CDH13: variants seen among roughly 807,000 people sequenced by gnomAD.
CDH13 encodes cadherin 13.
CDH13 carries 24 observed loss-of-function variants against 63.8 expected under a neutral mutation model. That is an observed-to-expected ratio of 0.38 (90% confidence interval 0.27 to 0.53). CDH13 has a LOEUF of 0.53. Among genes scored for constraint, CDH13 ranks in the 20% least tolerant of loss-of-function variants. CDH13 has a pLI of 0.85. For missense variants in CDH13, 1,049 were observed against 903.1 expected (o/e 1.16, Z -2.07); for synonymous variants, 503 against 355.3 (o/e 1.42, Z -4.67).
intron 6 of CDH13, among the ~76,000 whole-genome samples, chr16:83,479,524 G>A (rs537753245): frequency 1.5e-4 from 23 of 152,110 alleles, no homozygotes; most frequent in Non-Finnish European, 3.4e-4. Flanking sequence ...GGGCGTAGTG[G>A]CAGACACCTG....
At chr16:83,202,091 C>T (rs2039049260) in intron 4 of CDH13, among the ~76,000 whole-genome samples, 1 of 152,098 alleles carries the variant, frequency 6.6e-6, no homozygotes, top group South Asian at 2.1e-4. Context: ...CCCATAGTGT[C>T]CCCTGAAAAT....
intron 6 of CDH13, among the ~76,000 whole-genome samples, chr16:83,442,045 C>A (rs993882956): frequency 6.6e-6 from 1 of 152,038 alleles, no homozygotes; most frequent in East Asian, 1.9e-4. Context: ...CTTTTTTGTC[C>A]ACAAGCAAAA....
At chr16:82,708,664 G>C (rs951271658) in intron 1 of CDH13, among the ~76,000 whole-genome samples, 2 of 152,154 alleles carry the variant, frequency 1.3e-5, no homozygotes, top group African/African-American at 2.4e-5. Context: ...CCCAGCTCAA[G>C]ATAGTCAGGG....
chr16:83,495,626 C>T (rs995543115), intron 7 of CDH13, among the ~76,000 whole-genome samples: 5 of 152,070 alleles, frequency 3.3e-5, no homozygotes, highest in Admixed American at 1.3e-4. Flanking sequence ...CAAGATAGGG[C>T]AAAGAAACAT....
intron 4 of CDH13, chr16:83,181,179 C>G (rs2038339097): frequency 3.4e-6 from 2 of 585,450 alleles, no homozygotes; most frequent in Admixed American, 3.5e-5. Flanking sequence ...GCTTTGCAGC[C>G]AAGAAATGAG....
intron 1 of CDH13, among the ~76,000 whole-genome samples, chr16:82,834,901 A>T (rs1349859615): frequency 2.0e-5 from 3 of 152,180 alleles, no homozygotes; most frequent in Non-Finnish European, 2.9e-5. Context: ...GGCTACATAA[A>T]ATCCTTAATT....
intron 7 of CDH13, among the ~76,000 whole-genome samples, chr16:83,558,082 C>G (rs1283088198): frequency 9.9e-5 from 15 of 152,156 alleles, no homozygotes; most frequent in Admixed American, 9.8e-4. Context: ...CTACAGGGCT[C>G]ATTTCTTCCT....
chr16:82,955,054 T>G (rs957717719), intron 2 of CDH13, among the ~76,000 whole-genome samples: 6 of 152,218 alleles, frequency 3.9e-5, no homozygotes, highest in Admixed American at 3.9e-4. Flanking sequence ...TTTTAGTTGT[T>G]TCCACTTTGG....
chr16:83,170,415 C>T (rs2037867788), intron 4 of CDH13, among the ~76,000 whole-genome samples: 1 of 152,100 alleles, frequency 6.6e-6, no homozygotes, highest in Non-Finnish European at 1.5e-5. Context: ...GGTTCCCAAA[C>T]TGGAAGATGA....
intron 8 of CDH13, among the ~76,000 whole-genome samples, chr16:83,629,880 C>T (rs1327064703): frequency 6.6e-6 from 1 of 152,208 alleles, no homozygotes; most frequent in Non-Finnish European, 1.5e-5. Flanking sequence ...GGGAAGAGAG[C>T]TTACAACAGC....
intron 10 of CDH13, among the ~76,000 whole-genome samples, chr16:83,708,850 C>A (rs183561136): frequency 8.2e-4 from 125 of 152,074 alleles, no homozygotes; most frequent in Middle Eastern, 3.4e-3. Context: ...TGTGGTGAAA[C>A]CTATCTCTAC....
intron 1 of CDH13, among the ~76,000 whole-genome samples, chr16:82,816,272 C>T (rs1258661255): frequency 6.6e-6 from 1 of 152,110 alleles, no homozygotes; most frequent in Non-Finnish European, 1.5e-5. Flanking sequence ...TATTCATTGC[C>T]ATCTGAATTC....
Position 82,835,459 on chromosome 16 carries a change from C to T in CDH13, c.46-22903C>T, listed in dbSNP as rs189459184. ...TATTCCAAGCTGCAAATATTGTACCCACCCAGCAAATTTCCTGGGATGTGC... is the reference window on the plus strand; with the variant it reads ...TATTCCAAGCTGCAAATATTGTACCTACCCAGCAAATTTCCTGGGATGTGC... On this transcript the variant is annotated intron_variant, in intron 1 of 13. Transcript: ENST00000567109. Among the ~76,000 whole-genome samples, 8 of 152,322 alleles carry T rather than the reference C, an allele frequency of 5.3e-5. No homozygotes were observed. In the East Asian group the frequency reaches 1.2e-3, roughly 22 times the overall value.
chr16:82,654,500 G>A (rs1911078918), intron 1 of CDH13, among the ~76,000 whole-genome samples: 1 of 152,206 alleles, frequency 6.6e-6, no homozygotes, highest in Admixed American at 6.5e-5. Flanking sequence ...GGCTGTGTGG[G>A]AGGTGGAATG....
intron 1 of CDH13, among the ~76,000 whole-genome samples, chr16:82,842,030 T>C (rs1392098979): frequency 6.8e-6 from 1 of 147,748 alleles, no homozygotes. Flanking sequence ...CCCTCACTGC[T>C]AGAAGAATTC....
chr16:83,690,217 C>A lies in CDH13; in HGVS notation c.1538+11756C>A, dbSNP rs556581437. Among the ~76,000 whole-genome samples, 3 of 152,170 alleles carry A rather than the reference C, an allele frequency of 2.0e-5. No homozygotes were observed. In the East Asian group the frequency reaches 5.8e-4, roughly 29 times the overall value. On this transcript the variant is annotated intron_variant, in intron 10 of 13. Coordinates refer to ENST00000567109, the MANE Select transcript of CDH13 (RefSeq NM_001257.5). The stretch of plus-strand genomic sequence containing the variant: ...ATCTGTTATCATCGAAATCATATTC[C>A]TGTGGAAGAGAGAAAATGAATGAGA...
intron 8 of CDH13, among the ~76,000 whole-genome samples, chr16:83,620,062 C>G: frequency 6.6e-6 from 1 of 151,436 alleles, no homozygotes; most frequent in Middle Eastern, 3.4e-3. Flanking sequence ...GGATTTATTC[C>G]AAGTGCATGG....
intron 2 of CDH13, among the ~76,000 whole-genome samples, chr16:82,906,807 C>T (rs529847967): frequency 4.6e-5 from 7 of 152,156 alleles, no homozygotes; most frequent in African/African-American, 1.7e-4. Context: ...CCTTGGCATT[C>T]CCTGCAGGTG....
At chr16:82,737,332 G>T (rs1261698916) in intron 1 of CDH13, among the ~76,000 whole-genome samples, 3 of 152,178 alleles carry the variant, frequency 2.0e-5, no homozygotes, top group African/African-American at 7.2e-5. Flanking sequence ...GGACCCAGGG[G>T]TCATGTGCTG....
Sources: allele counts gnomAD v4.1 joint callset (sites outside exome capture counted in the v4.1 genomes callset), GRCh38; gene constraint gnomAD v4.1.1; transcripts MANE v1.5; gene names NCBI Gene and HGNC (gene_info 2026-07-23, HGNC 2026-07-21).